The following GMEB1 variants were observed in gnomAD, a reference collection of about 807,000 sequenced individuals.
The protein encoded by GMEB1 is glucocorticoid modulatory element-binding protein 1.
A neutral mutation model predicts 52.4 loss-of-function variants in GMEB1; 6 were observed. The ratio of observed to expected loss-of-function variants is 0.11; its 90% CI spans 0.06 to 0.23. The LOEUF (loss-of-function observed/expected upper bound fraction) is 0.23. GMEB1 is among the 10% of genes least tolerant of loss of function. The pLI is 1.00. For synonymous variants in GMEB1, 255 were observed against 244.9 expected (o/e 1.04, Z -0.38); for missense variants, 486 against 685.6 (o/e 0.71, Z 3.25).
chr1:28,672,598 C>T (rs2124442634), intron 1 of GMEB1, among the ~76,000 whole-genome samples: 1 of 152,058 alleles, frequency 6.6e-6, no homozygotes, highest in South Asian at 2.1e-4. Context: ...TTCTAGGGTA[C>T]ATGTGCACAA....
chr1:28,690,203 G>GGTTTTTTTTTTTTT lies in GMEB1; in HGVS notation c.211+17_211+18insGTTTTTTTTTTTTT, dbSNP rs879212606. 7.9e-5 allele frequency: 41 copies of GGTTTTTTTTTTTTT among 516,088 alleles called. No individual in the cohort carries two copies. Among genetic ancestry groups the GGTTTTTTTTTTTTT allele is most frequent in the Middle Eastern group, 3.7e-4 (1 of 2,668 alleles). 32.0% of individuals were successfully genotyped at this position (516,088 alleles called of 1,614,324 possible). On this transcript the variant is annotated intron_variant, in intron 3 of 9. Coordinates refer to ENST00000373816, the MANE Select transcript of GMEB1 (RefSeq NM_001319674.2). ...AAGGGATTGGTAAGGGTTTTTTTGTGTTTTTTTTTTTTTTTTTTTTTGTCA... is the reference window on the plus strand; with the variant it reads ...AAGGGATTGGTAAGGGTTTTTTTGTGGTTTTTTTTTTTTTTTTTTTTTTTTTTTTTTTTTTGTCA...
At chr1:28,700,837 T>TG (rs1670468673) in intron 6 of GMEB1, among the ~76,000 whole-genome samples, 1 of 152,198 alleles carries the variant, frequency 6.6e-6, no homozygotes, top group Non-Finnish European at 1.5e-5. Flanking sequence ...CTCTTTCACT[T>TG]GAAAAGTGAA....
At chr1:28,710,725 T>TA in intron 9 of GMEB1, 83 bp downstream of exon 9, 26 of 981,374 alleles carry the variant, frequency 2.6e-5, no homozygotes, top group Middle Eastern at 3.3e-4. Context: ...TTTGTTGGGG[T>TA]AACTTTTTTT....
At chr1:28,713,159 A>C (rs969881107) in intron 9 of GMEB1, among the ~76,000 whole-genome samples, 1 of 147,632 alleles carries the variant, frequency 6.8e-6, no homozygotes, top group African/African-American at 2.5e-5. Context: ...CTCCATCTCA[A>C]AAAAAAAAAA....
At chr1:28,709,913 C>T (rs569139509) in intron 8 of GMEB1, among the ~76,000 whole-genome samples, 3 of 152,086 alleles carry the variant, frequency 2.0e-5, no homozygotes, top group Admixed American at 1.3e-4. Flanking sequence ...CTTTGGGAGG[C>T]TGAGGTGGGT....
At chr1:28,681,792 T>C (rs1669401359) in intron 1 of GMEB1, among the ~76,000 whole-genome samples, 1 of 152,074 alleles carries the variant, frequency 6.6e-6, no homozygotes, top group Admixed American at 6.6e-5. Context: ...AATCTCCACC[T>C]CCTGGGTTCA....
chr1:28,692,205 A>G (rs1373490651), intron 4 of GMEB1, among the ~76,000 whole-genome samples: 2 of 149,946 alleles, frequency 1.3e-5, no homozygotes, highest in African/African-American at 4.9e-5. Context: ...GGGTTTTGCT[A>G]TGTTGCCTAG....
At chr1:28,672,751 T>TTG (rs1557493094) in intron 1 of GMEB1, among the ~76,000 whole-genome samples, 1 of 149,254 alleles carries the variant, frequency 6.7e-6, no homozygotes. Context: ...TTTTTTTTTT[T>TTG]TTTTGTTTTG....
chr1:28,685,911 A>G (rs1322996772), intron 2 of GMEB1, among the ~76,000 whole-genome samples: 1 of 152,168 alleles, frequency 6.6e-6, no homozygotes, highest in Non-Finnish European at 1.5e-5. Flanking sequence ...GTGAGCCGAG[A>G]TTGTGCCATT....
intron 9 of GMEB1, 129 bp from the exon 10 acceptor site, chr1:28,713,944 C>T: frequency 1.4e-6 from 1 of 700,968 alleles, no homozygotes; most frequent in Non-Finnish European, 2.5e-6. Context: ...AGAAAGAAAA[C>T]AATGTCACAA....
intron 1 of GMEB1, among the ~76,000 whole-genome samples, chr1:28,672,481 C>G (rs1161391636): frequency 6.6e-6 from 1 of 151,656 alleles, no homozygotes; most frequent in Non-Finnish European, 1.5e-5. Context: ...CCTCAGCCTC[C>G]CAAAGTGCTG....
chr1:28,676,859 C>T (rs781419198), intron 1 of GMEB1, among the ~76,000 whole-genome samples: 1 of 152,074 alleles, frequency 6.6e-6, no homozygotes, highest in Non-Finnish European at 1.5e-5. Context: ...CAAGACCAGC[C>T]TGGCCAAGAT....
intron 7 of GMEB1, among the ~76,000 whole-genome samples, chr1:28,703,571 AAGC>A (rs1420228762): frequency 6.6e-6 from 1 of 152,050 alleles, no homozygotes; most frequent in African/African-American, 2.4e-5. Flanking sequence ...GAGACAGGAG[AAGC>A]ACTTGAACCT....
intron 8 of GMEB1, among the ~76,000 whole-genome samples, chr1:28,710,309 C>A (rs952864021): frequency 3.3e-5 from 5 of 152,106 alleles, no homozygotes; most frequent in African/African-American, 9.7e-5. Flanking sequence ...CCAGCCTGAT[C>A]TTTGTATTTA....
intron 1 of GMEB1, among the ~76,000 whole-genome samples, chr1:28,677,105 CAT>C (rs568270711): frequency 2.1e-3 from 313 of 152,118 alleles, no homozygotes; most frequent in African/African-American, 7.1e-3. Context: ...GTATGTGAAA[CAT>C]AATCGAATTT....
Position 28,690,213 on chromosome 1 carries a change from T to G in GMEB1, c.211+27T>G, listed in dbSNP as rs761280679. 7.4e-6 allele frequency: 8 copies of G among 1,078,666 alleles called. No homozygotes were observed. In the African/African-American group the frequency reaches 9.9e-5, roughly 13 times the overall value. The allele number at this position is 1,078,666 out of a possible 1,614,324, so 66.8% of individuals were successfully genotyped here. On this transcript the variant is annotated intron_variant, in intron 3 of 9. Transcript: ENST00000373816. ...TAAGGGTTTTTTTGTGTTTTTTTTT[T>G]TTTTTTTTTTTGTCATTCTAATACC...
At chr1:28,680,988 G>C (rs1347751911) in intron 1 of GMEB1, among the ~76,000 whole-genome samples, 1 of 152,140 alleles carries the variant, frequency 6.6e-6, no homozygotes, top group Non-Finnish European at 1.5e-5. Context: ...AGGTTATAGT[G>C]AGCTGAGATT....
Position 28,702,607 on chromosome 1 carries a change from T to G in GMEB1, c.730+38T>G, listed in dbSNP as rs1388098230. On this transcript the variant is annotated intron_variant, in intron 7 of 9. Transcript: ENST00000373816. ...AGGGCTCAGATGTCTTGCAGGGTCT[T>G]GTGAGCCTTATCACCATTATCATTA... 1.9e-6 allele frequency: 3 copies of G among 1,595,630 alleles called. No individual in the cohort carries two copies. The South Asian group carries it at 3.3e-5, about 18-fold the overall frequency.
At chr1:28,709,992 C>T (rs770583858) in intron 8 of GMEB1, among the ~76,000 whole-genome samples, 4 of 151,940 alleles carry the variant, frequency 2.6e-5, no homozygotes, top group Non-Finnish European at 5.9e-5. Flanking sequence ...ACTAAAACTA[C>T]AAAAATTAGG....
Sources: gnomAD v4.1 joint callset for allele counts (sites outside exome capture counted in the v4.1 genomes callset) on GRCh38, gnomAD v4.1.1 for gene constraint, MANE v1.5 for transcripts, NCBI Gene and HGNC (gene_info 2026-07-23, HGNC 2026-07-21) for gene names.